Variants in LMLN observed in about 807,000 individuals in gnomAD.
LMLN encodes leishmanolysin like peptidase.
Under a neutral mutation model 92.3 loss-of-function variants are expected in LMLN, and 70 were observed. That is an observed-to-expected ratio of 0.76 (90% confidence interval 0.63 to 0.92). LMLN has a LOEUF of 0.92. LMLN is among the 40% of genes least tolerant of loss of function. LMLN has a pLI of 0.00. For synonymous variants in LMLN, 308 were observed against 296.2 expected (o/e 1.04, Z -0.41); for missense variants, 691 against 814.6 (o/e 0.85, Z 1.85).
intron 1 of LMLN, among the ~76,000 whole-genome samples, chr3:197,963,095 A>G (rs1055864414): frequency 2.6e-5 from 4 of 152,164 alleles, no homozygotes; most frequent in Non-Finnish European, 4.4e-5. Flanking sequence ...AAGTCTTTCA[A>G]TCCATGAACA....
At chr3:197,982,717 A>T (rs2109869243) in intron 6 of LMLN, among the ~76,000 whole-genome samples, 1 of 152,378 alleles carries the variant, frequency 6.6e-6, no homozygotes, top group African/African-American at 2.4e-5. Flanking sequence ...TGTGATTTCA[A>T]AGTATGATAA....
intron 5 of LMLN, among the ~76,000 whole-genome samples, chr3:197,977,579 G>A (rs933966337): frequency 6.6e-6 from 1 of 151,304 alleles, no homozygotes; most frequent in Non-Finnish European, 1.5e-5. Flanking sequence ...GTATACACAC[G>A]TTAAATCTGG....
intron 9 of LMLN, among the ~76,000 whole-genome samples, chr3:197,993,155 G>GAGACACCC (rs1469741131): frequency 2.0e-5 from 3 of 152,074 alleles, no homozygotes; most frequent in African/African-American, 7.2e-5. Context: ...GGCCATATAA[G>GAGACACCC]AGACACCCAC....
chr3:198,019,322 C>T lies in LMLN; in HGVS notation c.1302C>T (p.Asp434=), dbSNP rs1453395114. The T allele has an allele frequency of 6.2e-7, 1 of 1,613,950 alleles. No homozygotes were observed. Among genetic ancestry groups the T allele is most frequent in the African/African-American group, 1.3e-5 (1 of 74,916 alleles). ...CACTGCAGCTAACTTGCAGACAGGA[C>T]CAGAGAGCAGTTGCCGTGTGTAATT... Residue 434 remains aspartate, a synonymous_variant, in exon 12 of 16, where the codon GAC becomes GAT. Coordinates refer to ENST00000330198, the Ensembl canonical transcript of LMLN. This position sits in a 1 kb window ranked among gnomAD's most constrained non-coding sequence, Gnocchi z 5.5.
intron 14 of LMLN, among the ~76,000 whole-genome samples, chr3:198,033,954 A>T (rs1346511740): frequency 2.0e-5 from 3 of 152,214 alleles, no homozygotes; most frequent in African/African-American, 7.2e-5. Flanking sequence ...CAAAAGAGTG[A>T]TATATTTCAA....
chr3:197,999,545 T>C (rs1722115615), intron 11 of LMLN: 1 of 570,340 alleles, frequency 1.8e-6, no homozygotes, highest in Non-Finnish European at 3.1e-6. Context: ...TGTTGTTGGT[T>C]TTAAAATAGG....
chr3:197,973,112 T>C (rs1560134402), intron 1 of LMLN, among the ~76,000 whole-genome samples: 2 of 152,184 alleles, frequency 1.3e-5, no homozygotes. Flanking sequence ...GATTCTGTCT[T>C]TCTCCCTCCC....
At chr3:197,984,468 G>A (rs1158227068) in intron 7 of LMLN, among the ~76,000 whole-genome samples, 1 of 151,314 alleles carries the variant, frequency 6.6e-6, no homozygotes, top group Non-Finnish European at 1.5e-5. Context: ...TATAGATACG[G>A]CAGAGCCCTG....
rs77598988 is a variant in LMLN, at chr3:198,030,191, A to T, written c.1656+5403A>T. 4.9e-3 allele frequency among the ~76,000 whole-genome samples: 750 copies of T among 152,262 alleles called. 7 individuals are homozygous for T. The highest frequency in any genetic ancestry group is 0.017 in the African/African-American group (719 of 41,558). On this transcript the variant is annotated intron_variant, in intron 14 of 15. Transcript: ENST00000330198. ...TTATATTATTCTTTCATAAGGTTTG[A>T]ATTTCAAATGTTAGCTGTTGACTTT...
chr3:198,035,368 T>G (rs976200842), intron 14 of LMLN, among the ~76,000 whole-genome samples: 1 of 137,262 alleles, frequency 7.3e-6, no homozygotes, highest in Non-Finnish European at 1.6e-5. Flanking sequence ...TTGGTTTTTT[T>G]TTTTTTTTTT....
intron 11 of LMLN, among the ~76,000 whole-genome samples, chr3:198,013,399 G>A (rs1235620946): frequency 9.1e-5 from 10 of 110,418 alleles, no homozygotes; most frequent in African/African-American, 4.6e-4. Context: ...ACCCTTTAGA[G>A]CCCCCTAACT....
intron 9 of LMLN, chr3:197,994,847 T>C (rs1721973632): frequency 6.6e-6 from 1 of 152,250 alleles, no homozygotes; most frequent in African/African-American, 2.4e-5. Context: ...CAACAATCCT[T>C]GTTCCATGTT....
chr3:198,007,156 A>AG (rs1491300881), intron 11 of LMLN, among the ~76,000 whole-genome samples: 1 of 152,196 alleles, frequency 6.6e-6, no homozygotes, highest in Admixed American at 6.5e-5. Flanking sequence ...TCCTTTTAAC[A>AG]GGGGCTTTTG....
intron 11 of LMLN, among the ~76,000 whole-genome samples, chr3:198,006,874 G>A (rs576363592): frequency 2.6e-5 from 4 of 152,122 alleles, no homozygotes; most frequent in East Asian, 3.9e-4. Flanking sequence ...CACTATGTCT[G>A]GCTAATTTTT....
At chr3:198,024,815 G>T in intron 14 of LMLN, 27 bp downstream of exon 15, 1 of 1,563,020 alleles carries the variant, frequency 6.4e-7, no homozygotes, top group Non-Finnish European at 8.6e-7. Context: ...TATTAGTTGT[G>T]CCAAATATTA....
At chr3:198,040,497 T>A (rs1213100161) in exon 16 of LMLN, 1 of 151,944 alleles carries the variant, frequency 6.6e-6, no homozygotes, top group African/African-American at 2.4e-5. Flanking sequence ...TGAAGTCCTA[T>A]GGCATTCTAA....
intron 15 of LMLN, among the ~76,000 whole-genome samples, chr3:198,036,522 GAT>G (rs1297917246): frequency 1.2e-4 from 18 of 152,136 alleles, no homozygotes; most frequent in Non-Finnish European, 2.2e-4. Context: ...GAGACAGAGA[GAT>G]GTGGGCTGGC....
At chr3:198,000,707 C>T (rs1338564150) in intron 11 of LMLN, among the ~76,000 whole-genome samples, 1 of 152,140 alleles carries the variant, frequency 6.6e-6, no homozygotes, top group Non-Finnish European at 1.5e-5. Flanking sequence ...GGATTACAGG[C>T]GTGAGCCACC....
chr3:197,992,048 G>C (rs1721886894), intron 9 of LMLN, among the ~76,000 whole-genome samples: 3 of 141,180 alleles, frequency 2.1e-5, no homozygotes, highest in African/African-American at 8.0e-5. Flanking sequence ...TTTTAGTAGA[G>C]ACGGGGGTTT....
Sources: allele counts gnomAD v4.1 joint callset (sites outside exome capture counted in the v4.1 genomes callset), GRCh38; gene constraint gnomAD v4.1.1; non-coding constraint Gnocchi (gnomAD v3.1); transcripts MANE v1.5; gene names NCBI Gene and HGNC (gene_info 2026-07-23, HGNC 2026-07-21).